The following WDR5 variants were observed in gnomAD, a reference collection of about 807,000 sequenced individuals.
WDR5 encodes WD repeat domain 5, also known as WD repeat-containing protein 5.
For missense variants in WDR5, 187 were observed against 416.9 expected, an observed-to-expected ratio of 0.45 and a Z score of 4.80; for synonymous variants, 144 against 161.6, an observed-to-expected ratio of 0.89 and a Z score of 0.83.
intron 4 of WDR5, 98 bp from the exon 5 acceptor site, chr9:134,141,851 G>C: frequency 8.0e-7 from 1 of 1,250,692 alleles, no homozygotes; most frequent in Non-Finnish European, 1.2e-6. Context: ...CTAGTGAGAA[G>C]ATTTCCTGAG....
chr9:134,145,925 GTTTC>G (rs1339793928), intron 7 of WDR5, among the ~76,000 whole-genome samples: 4 of 139,510 alleles, frequency 2.9e-5, no homozygotes, highest in South Asian at 2.3e-4. Flanking sequence ...TACCTTCTCT[GTTTC>G]TTTCTTTCTT....
chr9:134,145,710 T>TGCCCTCTCTGGCTAGGGCTC (rs1287607330), intron 7 of WDR5, among the ~76,000 whole-genome samples: 1 of 152,212 alleles, frequency 6.6e-6, no homozygotes, highest in African/African-American at 2.4e-5. Context: ...GGCCAGGGTT[T>TGCCCTCTCTGGCTAGGGCTC]GCCCTCTCTG....
intron 9 of WDR5, 71 bp downstream of exon 9, chr9:134,152,100 C>T: frequency 6.5e-7 from 1 of 1,537,392 alleles, no homozygotes; most frequent in Non-Finnish European, 8.9e-7. Context: ...TGCCCCTGTT[C>T]TTCACCAGCT....
intron 3 of WDR5, 93 bp downstream of exon 3, chr9:134,140,904 G>A (rs953780261): frequency 1.6e-5 from 20 of 1,253,988 alleles, no homozygotes; most frequent in Admixed American, 5.2e-5. Context: ...CTCACCTACC[G>A]CTGGGGAGAC....
At chr9:134,138,771 T>G (rs1010545743) in intron 1 of WDR5, among the ~76,000 whole-genome samples, 3 of 152,218 alleles carry the variant, frequency 2.0e-5, no homozygotes, top group African/African-American at 7.2e-5. Context: ...GCGTTAGTGT[T>G]ACAATCAGCC....
Position 134,145,092 on chromosome 9 carries a change from C to CTTTGTTTTTT in WDR5, c.528+2377_528+2386dup, listed in dbSNP as rs1206884418. On this transcript the variant is annotated intron_variant, in intron 7 of 13. Transcript: ENST00000358625. ...CTCCACTGCAGAGAGGTTTGTGGGGCTTTGTTTTTTTTTTTTTTTTTTTTG... is the reference window on the plus strand; with the variant it reads ...CTCCACTGCAGAGAGGTTTGTGGGGCTTTGTTTTTTTTTGTTTTTTTTTTTTTTTTTTTTG... 8.8e-5 allele frequency among the ~76,000 whole-genome samples: 5 copies of CTTTGTTTTTT among 56,840 alleles called. 1 individual carries two copies. Among genetic ancestry groups the CTTTGTTTTTT allele is most frequent in the Admixed American group, 2.5e-4 (1 of 4,064 alleles). 37.3% of individuals were successfully genotyped at this position (56,840 alleles called of 152,430 possible).
At chr9:134,142,235 C>A in intron 5 of WDR5, 98 bp from the exon 6 acceptor site, 1 of 1,361,444 alleles carries the variant, frequency 7.3e-7, no homozygotes, top group Non-Finnish European at 1.0e-6. Flanking sequence ...GGCGGGGCAT[C>A]AGGCATGCTT....
In WDR5 at chr9:134,157,372, T is replaced by C. The variant is rs565568006; in HGVS notation, c.905-521T>C. Among the ~76,000 whole-genome samples the C allele has an allele frequency of 6.6e-6, 1 of 152,266 alleles. No homozygotes were observed. Among genetic ancestry groups the C allele is most frequent in the African/African-American group, 2.4e-5 (1 of 41,550 alleles). Reference sequence around the variant, plus strand: ...ACCAGTCTGTTAGTTCTGACCTCCCTGCTTGGGTGGTGGACTTGTCCTTGC... The same window carrying C: ...ACCAGTCTGTTAGTTCTGACCTCCCCGCTTGGGTGGTGGACTTGTCCTTGC... On this transcript the variant is annotated intron_variant, in intron 13 of 13. Coordinates refer to ENST00000358625, the MANE Select transcript of WDR5 (RefSeq NM_017588.3). This position sits in a 1 kb window ranked among gnomAD's most constrained non-coding sequence, Gnocchi z 5.0.
chr9:134,148,720 G>A (rs376522632), intron 8 of WDR5, among the ~76,000 whole-genome samples: 1 of 152,260 alleles, frequency 6.6e-6, no homozygotes, highest in East Asian at 1.9e-4. Context: ...ATGCCGTCTT[G>A]CCCTGTGAGG....
rs988122079 is a variant in WDR5, at chr9:134,141,587, G to A, written c.264+4G>A. The A allele has an allele frequency of 8.0e-5, 129 of 1,614,072 alleles. No homozygotes were observed. Among genetic ancestry groups the A allele is most frequent in the Non-Finnish European group, 1.0e-4 (120 of 1,180,006 alleles). ...AACCATATCTGGTCACAAGCTGGTA[G>A]GTTTCAGCCCTGTGCGGTGAAGTTG... On this transcript the variant is annotated splice_donor_region_variant and intron_variant, in intron 4 of 13. Transcript: ENST00000358625.
intron 9 of WDR5, 79 bp downstream of exon 9, chr9:134,152,108 GCTC>G: frequency 2.0e-6 from 3 of 1,517,306 alleles, no homozygotes; most frequent in Non-Finnish European, 2.7e-6. Flanking sequence ...TTCTTCACCA[GCTC>G]CTCCTCCCTC....
chr9:134,155,997 G>C (rs771376635), intron 12 of WDR5, among the ~76,000 whole-genome samples: 3 of 152,248 alleles, frequency 2.0e-5, no homozygotes, highest in Non-Finnish European at 2.9e-5. Flanking sequence ...TTTGCTGGCA[G>C]TGCTTGGTTG....
At chr9:134,155,179 A>C (rs1049151183) in intron 10 of WDR5, among the ~76,000 whole-genome samples, 161 bp from the exon 11 acceptor site, 3 of 152,220 alleles carry the variant, frequency 2.0e-5, no homozygotes, top group African/African-American at 7.2e-5. Flanking sequence ...CTGGACTTTG[A>C]GCCTGAGGGG....
At chr9:134,135,524 G>A (rs951877504), upstream of WDR5, 2 of 152,236 alleles carry the variant, frequency 1.3e-5, no homozygotes, top group African/African-American at 4.8e-5. Context: ...GGCGCAGCCC[G>A]GGCTTCCGAA....
Position 134,147,968 on chromosome 9 carries a change from A to G in WDR5, c.529-320A>G, listed in dbSNP as rs537799541. ...TCAGGAGTTCAAGACCAGGCTGGCC[A>G]ATATGGTGAAACCCCGTCTCTCCTA... is the stretch of plus-strand genomic sequence containing the variant. On this transcript the variant is annotated intron_variant, in intron 7 of 13. Coordinates refer to ENST00000358625, the MANE Select transcript of WDR5 (RefSeq NM_017588.3). Among the ~76,000 whole-genome samples, 15 of 152,180 alleles carry G rather than the reference A, an allele frequency of 9.9e-5. No homozygotes were observed. The South Asian group carries it at 2.7e-3, about 27-fold the overall frequency.
intron 7 of WDR5, among the ~76,000 whole-genome samples, chr9:134,147,631 C>T (rs1470185827): frequency 2.0e-5 from 3 of 152,160 alleles, no homozygotes; most frequent in Non-Finnish European, 2.9e-5. Flanking sequence ...CATTAAACCA[C>T]GGCTTCCTTG....
chr9:134,141,841 C>A, intron 4 of WDR5, 108 bp from the exon 5 acceptor site: 1 of 1,148,766 alleles, frequency 8.7e-7, no homozygotes, highest in Non-Finnish European at 1.3e-6. Flanking sequence ...AAGGTTAACA[C>A]TAGTGAGAAG....
chr9:134,158,716 C>T lies in WDR5; in HGVS notation c.*723C>T, dbSNP rs932912991. 1.1e-4 allele frequency: 16 copies of T among 152,258 alleles called. No homozygotes were observed. Among genetic ancestry groups the T allele is most frequent in the African/African-American group, 3.4e-4 (14 of 41,446 alleles). 9.4% of individuals were successfully genotyped at this position (152,258 alleles called of 1,614,324 possible). On this transcript the variant is annotated 3_prime_UTR_variant, in exon 14 of 14. Transcript: ENST00000358625. ...GTGGCAAGTGCGTCCTTGTGAAGCT[C>T]GTCTCCATGTGGCTTTCTTGGAGAA... is the stretch of plus-strand genomic sequence containing the variant.
At chr9:134,145,092 C>CTTTTTTTTTT (rs1564191284) in intron 7 of WDR5, among the ~76,000 whole-genome samples, 1 of 56,838 alleles carries the variant, frequency 1.8e-5, no homozygotes, top group Non-Finnish European at 4.0e-5. Context: ...GTTTGTGGGG[C>CTTTTTTTTTT]TTTGTTTTTT....
Sources: allele counts gnomAD v4.1 joint callset (sites outside exome capture counted in the v4.1 genomes callset), GRCh38; gene constraint gnomAD v4.1.1; non-coding constraint Gnocchi (gnomAD v3.1); transcripts MANE v1.5; gene names NCBI Gene and HGNC (gene_info 2026-07-23, HGNC 2026-07-21).